The following RNF150 variants were observed in gnomAD, a reference collection of about 807,000 sequenced individuals.
RNF150 encodes the protein ring finger protein 150.
Under a neutral mutation model 39.3 loss-of-function variants are expected in RNF150, and 24 were observed. The observed-to-expected ratio is 0.61, with a 90% CI of 0.44 to 0.86. The LOEUF is 0.86. Among genes scored for constraint, RNF150 ranks in the 40% least tolerant of loss-of-function variants. The pLI is 0.00. For missense variants in RNF150, 502 were observed against 587.8 expected, an observed-to-expected ratio of 0.85 and a Z score of 1.51; for synonymous variants, 255 against 227.3, an observed-to-expected ratio of 1.12 and a Z score of -1.10.
intron 2 of RNF150, among the ~76,000 whole-genome samples, chr4:140,956,422 G>C (rs1344482099): frequency 3.3e-5 from 5 of 152,262 alleles, no homozygotes; most frequent in Non-Finnish European, 7.4e-5. Context: ...AGGATCAGGA[G>C]TCTGTCATGA....
chr4:141,112,737 G>T (rs1739427176), intron 1 of RNF150, among the ~76,000 whole-genome samples: 1 of 152,034 alleles, frequency 6.6e-6, no homozygotes, highest in African/African-American at 2.4e-5. Context: ...TCTTTGTGGT[G>T]TTCTCTGTAT....
chr4:140,867,283 A>G lies in RNF150; in HGVS notation c.*978T>C, dbSNP rs941527487. 6.6e-5 allele frequency: 10 copies of G among 152,260 alleles called. No individual in the cohort carries two copies. The highest frequency in any genetic ancestry group is 2.4e-4 in the African/African-American group (10 of 41,472). The allele number at this position is 152,260 out of a possible 1,614,324, so 9.4% of individuals were successfully genotyped here. A position where few individuals can be genotyped will look rare whatever the true frequency, so the allele number is the denominator to read the frequency against. The stretch of plus-strand genomic sequence containing the variant: ...TTTCTCTAAAGCCTCCATTTTTTAC[A>G]GAACCCACTTACAGAGGTAAGAAAA... On this transcript the variant is annotated 3_prime_UTR_variant, in exon 7 of 7. Coordinates refer to ENST00000515673, the MANE Select transcript of RNF150 (RefSeq NM_020724.2).
At chr4:141,142,643 G>T (rs1310360485) in intron 1 of RNF150, among the ~76,000 whole-genome samples, 1 of 152,128 alleles carries the variant, frequency 6.6e-6, no homozygotes, top group Non-Finnish European at 1.5e-5. Context: ...GATTCAATGG[G>T]AACACTTCTT....
chr4:140,939,865 T>C (rs1010127707), intron 4 of RNF150, among the ~76,000 whole-genome samples: 5 of 152,232 alleles, frequency 3.3e-5, no homozygotes, highest in Non-Finnish European at 7.3e-5. Context: ...CTCCAAACGT[T>C]GAGTCATCTG....
chr4:141,142,430 C>T (rs969498372), intron 1 of RNF150, among the ~76,000 whole-genome samples: 1 of 152,196 alleles, frequency 6.6e-6, no homozygotes, highest in Non-Finnish European at 1.5e-5. Flanking sequence ...TGTCGGCACA[C>T]AGACAGGCTC....
chr4:140,870,980 T>TTCTCTC (rs146835294), intron 6 of RNF150, among the ~76,000 whole-genome samples: 3 of 148,928 alleles, frequency 2.0e-5, no homozygotes, highest in Non-Finnish European at 3.0e-5. Context: ...ACAATAAGAA[T>TTCTCTC]TCTCTCTCTC....
chr4:140,895,503 C>A (rs767761), intron 6 of RNF150, among the ~76,000 whole-genome samples: 57,231 of 151,964 alleles, frequency 0.38, 11,354 homozygotes, highest in East Asian at 0.48. Context: ...AATTGTTCAT[C>A]AAGATAGGAA....
intron 1 of RNF150, among the ~76,000 whole-genome samples, chr4:141,054,401 T>C (rs982753654): frequency 6.6e-6 from 1 of 152,098 alleles, no homozygotes; most frequent in Non-Finnish European, 1.5e-5. Context: ...AGAAGACAAA[T>C]ATATTAACTT....
intron 6 of RNF150, among the ~76,000 whole-genome samples, chr4:140,894,729 C>T (rs569642967): frequency 6.6e-6 from 1 of 152,298 alleles, no homozygotes; most frequent in South Asian, 2.1e-4. Context: ...ATAGTAGGTA[C>T]TGCTGAATAG....
At chr4:141,191,341 C>T (rs1728107063) in intron 1 of RNF150, among the ~76,000 whole-genome samples, 1 of 152,218 alleles carries the variant, frequency 6.6e-6, no homozygotes. Flanking sequence ...CTCCACTTGT[C>T]TCTGGTTTGG....
At chr4:140,951,994 A>G (rs1477165839) in intron 2 of RNF150, among the ~76,000 whole-genome samples, 1 of 152,128 alleles carries the variant, frequency 6.6e-6, no homozygotes, top group Non-Finnish European at 1.5e-5. Flanking sequence ...GTCATAGATT[A>G]TACTCAAAGG....
intron 1 of RNF150, among the ~76,000 whole-genome samples, chr4:141,032,986 C>G (rs889274967): frequency 4.6e-5 from 7 of 152,138 alleles, no homozygotes; most frequent in Admixed American, 6.5e-5. Context: ...GCCGACTGAT[C>G]AGGGTGGTGG....
rs768201313 is a variant in RNF150 at position 141,062,454 on chromosome 4, GA to G, written c.484+69870del. On this transcript the variant is annotated intron_variant, in intron 1 of 6. Transcript: ENST00000515673. ...TACATGCATATAAAGCATCTAGAAG[GA>G]AAAAATATCACTCATAATCTTACCA... 7.2e-5 allele frequency among the ~76,000 whole-genome samples: 11 copies of G among 151,950 alleles called. No homozygotes were observed. The East Asian group carries it at 9.7e-4, about 13-fold the overall frequency.
chr4:140,953,353 T>C (rs765696362), intron 2 of RNF150, among the ~76,000 whole-genome samples: 17 of 152,180 alleles, frequency 1.1e-4, no homozygotes, highest in Non-Finnish European at 1.8e-4. Context: ...TATTGATAAA[T>C]GATACACATA....
Position 140,865,040 on chromosome 4 carries a change from G to C in RNF150, c.*3221C>G, listed in dbSNP as rs1271943105. On this transcript the variant is annotated 3_prime_UTR_variant, in exon 7 of 7. Coordinates refer to ENST00000515673, the MANE Select transcript of RNF150 (RefSeq NM_020724.2). ...TCTTTTGTAAGGGTCGGGGGATCTT[G>C]TGAGAATACTGGAGGAACTCTAGAC... The C allele has an allele frequency of 2.0e-5, 3 of 152,190 alleles. No individual in the cohort carries two copies. Among genetic ancestry groups the C allele is most frequent in the Non-Finnish European group, 2.9e-5 (2 of 68,062 alleles). The allele number at this position is 152,190 out of a possible 1,614,324, so 9.4% of individuals were successfully genotyped here.
At chr4:141,076,025 C>A (rs905420502) in intron 1 of RNF150, among the ~76,000 whole-genome samples, 4 of 152,072 alleles carry the variant, frequency 2.6e-5, no homozygotes, top group Non-Finnish European at 4.4e-5. Flanking sequence ...TCATACTATC[C>A]AGTCAATAAT....
intron 1 of RNF150, among the ~76,000 whole-genome samples, chr4:141,140,368 T>C (rs1166656153): frequency 6.6e-6 from 1 of 152,226 alleles, no homozygotes; most frequent in Non-Finnish European, 1.5e-5. Flanking sequence ...CCTTTTATCA[T>C]AAACTCTTCC....
At chr4:141,075,805 T>C (rs561859194) in intron 1 of RNF150, among the ~76,000 whole-genome samples, 31 of 152,144 alleles carry the variant, frequency 2.0e-4, no homozygotes, top group Non-Finnish European at 4.1e-4. Flanking sequence ...AGAAGATAAT[T>C]TTCTCAGTGG....
chr4:141,105,564 G>A (rs1739168989), intron 1 of RNF150, among the ~76,000 whole-genome samples: 1 of 152,086 alleles, frequency 6.6e-6, no homozygotes, highest in Non-Finnish European at 1.5e-5. Context: ...CTTCTCCTGT[G>A]TTGGTCCCCT....
Sources: gnomAD v4.1 joint callset for allele counts (sites outside exome capture counted in the v4.1 genomes callset) on GRCh38, gnomAD v4.1.1 for gene constraint, MANE v1.5 for transcripts, NCBI Gene and HGNC (gene_info 2026-07-23, HGNC 2026-07-21) for gene names.